Variants in EPC2 observed in about 807,000 individuals in gnomAD.
The protein encoded by EPC2 is enhancer of polycomb homolog 2.
Under a neutral mutation model 92.1 loss-of-function variants are expected in EPC2, and 14 were observed. The ratio of observed to expected loss-of-function variants is 0.15; its 90% CI spans 0.10 to 0.24. The LOEUF is 0.24. EPC2 is among the 10% of genes least tolerant of loss of function. The probability of loss-of-function intolerance (pLI) is 1.00; values close to 1 mark genes in which losing one functional copy is unlikely to be tolerated. For synonymous variants in EPC2, 340 were observed against 334.7 expected (o/e 1.02, Z -0.17); for missense variants, 755 against 971.5 (o/e 0.78, Z 2.96).
chr2:148,672,694 C>G (rs1430756666), intron 1 of EPC2, among the ~76,000 whole-genome samples: 5 of 151,992 alleles, frequency 3.3e-5, no homozygotes, highest in Non-Finnish European at 5.9e-5. Context: ...ATGTTTTTGT[C>G]TTTTAAGTTG....
rs780531899 is a variant in EPC2, at chr2:148,762,650, AT to A, written c.816-15del. The A allele has an allele frequency of 3.9e-6, 6 of 1,539,774 alleles. No individual in the cohort carries two copies. The Admixed American group carries it at 6.4e-5, about 16-fold the overall frequency. ...GTCAAACTATGCAATGTTTTCTTAT[AT>A]TTTTGTTACCTTTTCAAGATACCAT... On this transcript the variant is annotated intron_variant, in intron 5 of 13. Coordinates refer to ENST00000258484, the MANE Select transcript of EPC2 (RefSeq NM_015630.4).
intron 2 of EPC2, among the ~76,000 whole-genome samples, chr2:148,726,116 A>C (rs1574606817): frequency 6.6e-6 from 1 of 152,162 alleles, no homozygotes; most frequent in African/African-American, 2.4e-5. Context: ...AGATTCATCC[A>C]TGTTGTAAAC....
At chr2:148,669,564 C>T (rs997986140) in intron 1 of EPC2, among the ~76,000 whole-genome samples, 2 of 152,072 alleles carry the variant, frequency 1.3e-5, no homozygotes, top group African/African-American at 4.8e-5. Flanking sequence ...AACCTGTTGT[C>T]CCAGTTACTC....
intron 2 of EPC2, among the ~76,000 whole-genome samples, chr2:148,735,757 C>A (rs1039157395): frequency 4.0e-5 from 6 of 151,888 alleles, no homozygotes; most frequent in Non-Finnish European, 8.8e-5. Context: ...TATCATATCA[C>A]TCCTTAAAAG....
At chr2:148,676,537 C>T (rs1574575527) in intron 1 of EPC2, among the ~76,000 whole-genome samples, 1 of 151,908 alleles carries the variant, frequency 6.6e-6, no homozygotes, top group African/African-American at 2.4e-5. Flanking sequence ...ATAACAATCA[C>T]TTAATTAGTT....
At chr2:148,739,388 G>A (rs889988452) in intron 2 of EPC2, among the ~76,000 whole-genome samples, 1 of 151,908 alleles carries the variant, frequency 6.6e-6, no homozygotes, top group Non-Finnish European at 1.5e-5. Context: ...TTTTGGCCCT[G>A]GAAAATTTTC....
chr2:148,698,991 A>T (rs1166982658), intron 2 of EPC2, among the ~76,000 whole-genome samples: 1 of 152,066 alleles, frequency 6.6e-6, no homozygotes, highest in Non-Finnish European at 1.5e-5. Context: ...AATTAGTTTT[A>T]TATCCTTCCG....
chr2:148,672,415 C>T (rs1681172663), intron 1 of EPC2, among the ~76,000 whole-genome samples: 1 of 152,154 alleles, frequency 6.6e-6, no homozygotes, highest in African/African-American at 2.4e-5. Context: ...TCTACTCTAT[C>T]TCTCACATGC....
chr2:148,702,160 T>C (rs1260807685), intron 2 of EPC2, among the ~76,000 whole-genome samples: 2 of 152,214 alleles, frequency 1.3e-5, no homozygotes, highest in Non-Finnish European at 2.9e-5. Context: ...GGCTTGTTTT[T>C]GTAAACTGAT....
At chr2:148,663,584 AGATT>A (rs971375875) in intron 1 of EPC2, among the ~76,000 whole-genome samples, 3 of 141,746 alleles carry the variant, frequency 2.1e-5, no homozygotes, top group Admixed American at 7.3e-5. Flanking sequence ...TTTACTATAT[AGATT>A]AAGATTTTTT....
chr2:148,666,689 G>A (rs1231966630), intron 1 of EPC2, among the ~76,000 whole-genome samples: 1 of 152,162 alleles, frequency 6.6e-6, no homozygotes, highest in African/African-American at 2.4e-5. Context: ...TCAGAGTGTA[G>A]TCCCAAATGC....
intron 1 of EPC2, among the ~76,000 whole-genome samples, chr2:148,676,673 A>C (rs1257645147): frequency 6.6e-6 from 1 of 151,306 alleles, no homozygotes; most frequent in African/African-American, 2.4e-5. Flanking sequence ...TTAAGTGGAG[A>C]TCTAAAGTTA....
intron 2 of EPC2, among the ~76,000 whole-genome samples, chr2:148,694,680 C>T (rs2105373694): frequency 6.6e-6 from 1 of 152,222 alleles, no homozygotes; most frequent in Non-Finnish European, 1.5e-5. Flanking sequence ...TCTCCTATTA[C>T]CTGTTTTATT....
At chr2:148,661,714 A>G (rs1191198204) in intron 1 of EPC2, among the ~76,000 whole-genome samples, 1 of 152,182 alleles carries the variant, frequency 6.6e-6, no homozygotes, top group Admixed American at 6.5e-5. Context: ...ACATAAAAGT[A>G]CATAACATGT....
At chr2:148,785,376 G>T (rs1010773965) in intron 13 of EPC2, among the ~76,000 whole-genome samples, 1 of 151,260 alleles carries the variant, frequency 6.6e-6, no homozygotes, top group Non-Finnish European at 1.5e-5. Context: ...TGCCCAGGCT[G>T]GAGTGCAATG....
chr2:148,703,588 G>A lies in EPC2; in HGVS notation c.313+13215G>A, dbSNP rs1221087502. Among the ~76,000 whole-genome samples the A allele has an allele frequency of 3.3e-5, 5 of 152,234 alleles. No homozygotes were observed. The East Asian group carries it at 5.8e-4, about 18-fold the overall frequency. ...GTGTTGCTCAGGCTGGAGTACAGTGGTGTGATCATGGTTCACTGCAGCTTT... is the reference window on the plus strand; with the variant it reads ...GTGTTGCTCAGGCTGGAGTACAGTGATGTGATCATGGTTCACTGCAGCTTT... On this transcript the variant is annotated intron_variant, in intron 2 of 13. Coordinates refer to ENST00000258484, the MANE Select transcript of EPC2 (RefSeq NM_015630.4).
rs537753421 is a variant in EPC2, at chr2:148,713,825, G to A, written c.313+23452G>A. The stretch of plus-strand genomic sequence containing the variant: ...GCATATAGCATAGGTTGTACCTTTA[G>A]GTTTGTGTAGGTACACTCTGTGATG... On this transcript the variant is annotated intron_variant, in intron 2 of 13. Transcript: ENST00000258484. 2.0e-5 allele frequency among the ~76,000 whole-genome samples: 3 copies of A among 152,264 alleles called. No homozygotes were observed. The South Asian group carries it at 6.2e-4, about 32-fold the overall frequency.
At position 148,771,299 on chromosome 2, in the gene EPC2, C is replaced by G. The variant is rs775119282; in HGVS notation, c.1632C>G (p.Thr544=). The change falls in exon 10 of 14, where the codon ACC becomes ACG. Residue 544 remains threonine (T), a synonymous_variant. Transcript: ENST00000258484. ...AGGACAGTGATAGTGAAGAATGTAC[C>G]TCAAGAAAACCAGGGCAGACTGTGA... is the stretch of plus-strand genomic sequence containing the variant. The part of the protein sequence containing the change: ...NLQDSDSEEC[T]SRKPGQTVNN... The G allele has an allele frequency of 2.5e-6, 4 of 1,613,930 alleles. No homozygotes were observed. Among genetic ancestry groups the G allele is most frequent in the Non-Finnish European group, 3.4e-6 (4 of 1,179,870 alleles).
Position 148,762,688 on chromosome 2 carries a change from T to C in EPC2, c.834T>C (p.Tyr278=). The change falls in exon 6 of 14, where the codon TAT becomes TAC. Residue 278 remains tyrosine (Y), a synonymous_variant. Coordinates refer to ENST00000258484, the MANE Select transcript of EPC2 (RefSeq NM_015630.4). ...TTTCAAGATACCATTTGGGAGACTA[T>C]GGTGGTGAAATCCTTAATGAAGTAA... ...VVEKRYHLGD[Y]GGEILNEVKI... is the part of the protein sequence containing the mutation. 6.2e-7 allele frequency: 1 copy of C among 1,604,914 alleles called. No individual in the cohort carries two copies. The highest frequency in any genetic ancestry group is 8.5e-7 in the Non-Finnish European group (1 of 1,175,284).
Sources: allele counts gnomAD v4.1 joint callset (sites outside exome capture counted in the v4.1 genomes callset), GRCh38; gene constraint gnomAD v4.1.1; transcripts MANE v1.5; gene names NCBI Gene and HGNC (gene_info 2026-07-23, HGNC 2026-07-21).